DDX41: variants seen among roughly 807,000 people sequenced by gnomAD.
DDX41 encodes the protein probable ATP-dependent RNA helicase DDX41.
In DDX41, 50 loss-of-function variants were observed where a neutral mutation model predicts 78.8. The ratio of observed to expected loss-of-function variants is 0.63; its 90% confidence interval spans 0.51 to 0.80. DDX41 has a LOEUF of 0.80. Among genes scored for constraint, DDX41 ranks in the 30% least tolerant of loss-of-function variants. DDX41 has a pLI of 0.00. For missense variants in DDX41, 633 were observed against 849.2 expected (o/e 0.75, Z 3.16); for synonymous variants, 381 against 321.5 (o/e 1.19, Z -1.98).
At chr5:177,516,606 C>G (rs1379224650) in intron 2 of DDX41, 119 bp downstream of exon 2, 2 of 1,375,788 alleles carry the variant, frequency 1.5e-6, no homozygotes, top group Non-Finnish European at 2.0e-6. Flanking sequence ...GGGGCCGCGC[C>G]CTGGTGTACT....
rs144003034 is a variant in DDX41 at position 177,515,024 on chromosome 5, G to C, written c.690C>G (p.Gly230=). Residue 230 remains glycine (G), a synonymous_variant, in exon 8 of 17, where the codon GGC becomes GGG. Coordinates refer to ENST00000330503, the MANE Select transcript of DDX41 (RefSeq NM_016222.4). ...CGGGCAACGTGAACACCAGTGTCTT[G>C]CCTGAACCCGTGAAAGCGATGCCTA... ...DMIGIAFTGS[G]KTLVFTLPVI... is the part of the protein sequence containing the mutation. 21 of 1,613,712 alleles carry C rather than the reference G, an allele frequency of 1.3e-5. No homozygotes were observed. In the African/African-American group the frequency reaches 2.4e-4, roughly 18 times the overall value.
rs1430796686 is a variant in DDX41, at chr5:177,516,907, CCTCT to C, written c.27+8_27+11del. 6.2e-7 allele frequency: 1 copy of C among 1,613,338 alleles called. No individual in the cohort carries two copies. The highest frequency in any genetic ancestry group is 2.2e-5 in the East Asian group (1 of 44,880). On this transcript the variant is annotated splice_region_variant and intron_variant, in intron 1 of 16. Coordinates refer to ENST00000330503, the MANE Select transcript of DDX41 (RefSeq NM_016222.4). Reference sequence around the variant, plus strand: ...CCGCTCCCACACGCGCGGGGTCTCGCCTCTCTCCTACCTTCCGTTCGGGTTCCGA... The same window carrying C: ...CCGCTCCCACACGCGCGGGGTCTCGCCTCCTACCTTCCGTTCGGGTTCCGA...
chr5:177,512,124 G>A lies in DDX41; in HGVS notation c.1704C>T (p.Cys568=), dbSNP rs551266040. 9 of 1,613,326 alleles carry A rather than the reference G, an allele frequency of 5.6e-6. No homozygotes were observed. The highest frequency in any genetic ancestry group is 3.3e-5 in the Admixed American group (2 of 60,020). Residue 568 remains cysteine, a synonymous_variant, in exon 16 of 17, where the codon TGC becomes TGT. Transcript: ENST00000330503. ...KVPPVLQVLH[C]GDESMLDIGG... The stretch of plus-strand genomic sequence containing the variant: ...CAATGTCCAGCATGGACTCATCCCC[G>A]CAATGCAGCACCTGCAGCACGGGCG...
Position 177,513,616 on chromosome 5 carries a change from G to A in DDX41, c.1098+69C>T. ...GGGTTGGGGTGGCCAGGGGCATGGG[G>A]TCCCTGCAGTCTGATGTGGCGTGCA... On this transcript the variant is annotated intron_variant, in intron 10 of 16. Transcript: ENST00000330503. The surrounding 1 kb of genome is among the most constrained non-coding windows in gnomAD (Gnocchi z 4.6). 6.2e-7 allele frequency: 1 copy of A among 1,603,226 alleles called. No homozygotes were observed. The highest frequency in any genetic ancestry group is 1.3e-5 in the African/African-American group (1 of 74,864).
chr5:177,514,873 C>T lies in DDX41; in HGVS notation c.799-36G>A, dbSNP rs73804366. ...AGGGACAAAGGCTGGCACCAGATGG[C>T]AGCCCCAATCTCTGGCCTGCCCTCC... On this transcript the variant is annotated intron_variant, in intron 8 of 16. Coordinates refer to ENST00000330503, the MANE Select transcript of DDX41 (RefSeq NM_016222.4). This position sits in a 1 kb window ranked among gnomAD's most constrained non-coding sequence, Gnocchi z 4.2. 2,330 of 1,603,870 alleles carry T rather than the reference C, an allele frequency of 1.5e-3. 43 individuals carry two copies. In the African/African-American group the frequency reaches 0.028, roughly 19 times the overall value.
chr5:177,512,186 G>A lies in DDX41; in HGVS notation c.1642C>T (p.Leu548Phe), dbSNP rs140371153. The change falls in exon 16 of 17, where the codon CTC becomes TTC. Residue 548 changes from leucine (L) to phenylalanine (F), a missense_variant. Leu to Phe is a conservative substitution (Grantham distance 22). This residue lies in a region of DDX41 where 185 missense variants were observed against 367.4 expected (regional missense o/e 0.50). Coordinates refer to ENST00000330503, the MANE Select transcript of DDX41 (RefSeq NM_016222.4). ...KACDESVLMDLKALLLEAKQK... is the reference protein window; with the variant it reads ...KACDESVLMDFKALLLEAKQK... The stretch of plus-strand genomic sequence containing the variant: ...TTGGCTTCTAGCAGCAGCGCTTTGA[G>A]GTCCATCAGCACTGACTCATCTGGG... 6.2e-7 allele frequency: 1 copy of A among 1,613,654 alleles called. No individual in the cohort carries two copies. The highest frequency in any genetic ancestry group is 8.5e-7 in the Non-Finnish European group (1 of 1,180,026).
chr5:177,512,915 C>T, intron 12 of DDX41, 39 bp from the exon 13 acceptor site: 1 of 1,610,030 alleles, frequency 6.2e-7, no homozygotes, highest in Non-Finnish European at 8.5e-7. Context: ...GGCTAACTGC[C>T]TGGGCACCCA....
Position 177,516,937 on chromosome 5 carries a change from C to G in DDX41, c.9G>C (p.Glu3Asp), listed in dbSNP as rs994034775. 6.2e-7 allele frequency: 1 copy of G among 1,612,782 alleles called. No individual in the cohort carries two copies. The highest frequency in any genetic ancestry group is 8.5e-7 in the Non-Finnish European group (1 of 1,179,782). The change falls in exon 1 of 17, where the codon GAG becomes GAC. Residue 3 changes from glutamate (E) to aspartate (D), a missense_variant. Glu to Asp is a conservative substitution (Grantham distance 45). Around this residue, in one of 6 missense-constraint regions of DDX41, gnomAD observed 140 missense variants for 115.2 expected, o/e 1.22. Transcript: ENST00000330503. ...CTCCTACCTTCCGTTCGGGTTCCGA[C>G]TCCTCCATTCTTTGCTGCACGCATG... Reference protein sequence around the residue: MEESEPERKRART... With the variant: MEDSEPERKRART...
At position 177,514,996 on chromosome 5, in the gene DDX41, T is replaced by C. The variant is rs139112542; in HGVS notation, c.718A>G (p.Ile240Val). 2.0e-5 allele frequency: 33 copies of C among 1,613,766 alleles called. No homozygotes were observed. The East Asian group carries it at 3.1e-4, about 15-fold the overall frequency. The change falls in exon 8 of 17, where the codon ATC (isoleucine) becomes GTC (valine). Residue 240 changes from isoleucine (I) to valine (V), a missense_variant. Physicochemically the swap from Ile to Val is conservative, Grantham distance 29 (BLOSUM62 3). Around this residue, in one of 6 missense-constraint regions of DDX41, gnomAD observed 151 missense variants for 169.2 expected, o/e 0.89. Transcript: ENST00000330503. This position sits in a 1 kb window ranked among gnomAD's most constrained non-coding sequence, Gnocchi z 4.2. ...GKTLVFTLPV[I>V]MFCLEQEKRL... ...TTCTCTTGTTCCAGGCAGAACATGA[T>C]GACGGGCAACGTGAACACCAGTGTC...
Position 177,514,812 on chromosome 5 carries a change from C to A in DDX41, c.824G>T (p.Gly275Val). 1.2e-6 allele frequency: 2 copies of A among 1,612,472 alleles called. No homozygotes were observed. Among genetic ancestry groups the A allele is most frequent in the Non-Finnish European group, 1.7e-6 (2 of 1,179,578 alleles). ...PSRELARQTH[G>V]ILEYYCRLLQ... Reference sequence around the variant, plus strand: ...CAGGCGGCAGTAGTACTCCAGGATGCCATGGGTCTGCCGGGCCAGCTCCCG... The same window carrying A: ...CAGGCGGCAGTAGTACTCCAGGATGACATGGGTCTGCCGGGCCAGCTCCCG... Residue 275 changes from glycine (G) to valine (V), a missense_variant, in exon 9 of 17, where the codon GGC (glycine) becomes GTC (valine). Gly to Val is a moderately radical substitution (Grantham distance 109, BLOSUM62 -3). Around this residue, in one of 6 missense-constraint regions of DDX41, gnomAD observed 151 missense variants for 169.2 expected, o/e 0.89. Coordinates refer to ENST00000330503, the MANE Select transcript of DDX41 (RefSeq NM_016222.4). This position sits in a 1 kb window ranked among gnomAD's most constrained non-coding sequence, Gnocchi z 4.2.
In DDX41 at chr5:177,513,434, C is replaced by T; in HGVS notation, c.1149G>A (p.Gln383=). The T allele has an allele frequency of 6.2e-7, 1 of 1,614,188 alleles. No homozygotes were observed. Among genetic ancestry groups the T allele is most frequent in the Non-Finnish European group, 8.5e-7 (1 of 1,180,044 alleles). Residue 383 remains glutamine, a synonymous_variant, in exon 11 of 17, where the codon CAG becomes CAA. Coordinates refer to ENST00000330503, the MANE Select transcript of DDX41 (RefSeq NM_016222.4). The surrounding 1 kb of genome is among the most constrained non-coding windows in gnomAD (Gnocchi z 4.6). ...TTACAAGGGCACTCTTAGCAAAGTT[C>T]TGAATCTTCTTCGGCATGGTGGCAC... ...LFSATMPKKI[Q]NFAKSALVKP... is the part of the protein sequence containing the mutation.
rs1447086195 is a variant in DDX41, at chr5:177,513,196, G to A, written c.1231-114C>T. ...GACCAGAAGCCTCTGGCCGCCAAGG[G>A]CTGGTGCCCTAAAAATGGCCCTGGT... On this transcript the variant is annotated intron_variant, in intron 11 of 16. Transcript: ENST00000330503. This position sits in a 1 kb window ranked among gnomAD's most constrained non-coding sequence, Gnocchi z 4.6. 6.6e-7 allele frequency: 1 copy of A among 1,517,380 alleles called. No homozygotes were observed. Among genetic ancestry groups the A allele is most frequent in the Admixed American group, 1.9e-5 (1 of 53,094 alleles). The allele number at this position is 1,517,380 out of a possible 1,614,324, so 94.0% of individuals were successfully genotyped here. A position where few individuals can be genotyped will look rare whatever the true frequency, so the allele number is the denominator to read the frequency against.
intron 6 of DDX41, 142 bp downstream of exon 6, chr5:177,515,543 C>G: frequency 9.1e-7 from 1 of 1,096,690 alleles, no homozygotes; most frequent in Middle Eastern, 2.3e-4. Flanking sequence ...CAACAAGGAA[C>G]CTAAAGAAAC....
intron 5 of DDX41, 32 bp downstream of exon 5, chr5:177,515,897 A>C (rs763671989): frequency 6.2e-7 from 1 of 1,614,188 alleles, no homozygotes; most frequent in South Asian, 1.1e-5. Context: ...TACCATCCTA[A>C]GCAAGGGCAA....
At position 177,513,729 on chromosome 5, in the gene DDX41, T is replaced by G; in HGVS notation, c.1054A>C (p.Met352Leu). 1 of 1,613,808 alleles carries G rather than the reference T, an allele frequency of 6.2e-7. No individual in the cohort carries two copies. Among genetic ancestry groups the G allele is most frequent in the Non-Finnish European group, 8.5e-7 (1 of 1,180,012 alleles). The change falls in exon 10 of 17, where the codon ATG becomes CTG. Residue 352 changes from methionine to leucine, a missense_variant. Around this residue, in one of 6 missense-constraint regions of DDX41, gnomAD observed 151 missense variants for 169.2 expected, o/e 0.89. Coordinates refer to ENST00000330503, the MANE Select transcript of DDX41 (RefSeq NM_016222.4). The surrounding 1 kb of genome is among the most constrained non-coding windows in gnomAD (Gnocchi z 4.6). The part of the protein sequence containing the change: ...ALDEADRMID[M>L]GFEGDIRTIF... ...GTACGGATGTCACCCTCGAAGCCCATGTCGATCATGCGGTCAGCCTCGTCC... is the reference window on the plus strand; with the variant it reads ...GTACGGATGTCACCCTCGAAGCCCAGGTCGATCATGCGGTCAGCCTCGTCC...
chr5:177,514,802 C>T lies in DDX41; in HGVS notation c.834G>A (p.Glu278=). ...ELARQTHGIL[E]YYCRLLQEDS... ...CCTCCTGCAGCAGGCGGCAGTAGTA[C>T]TCCAGGATGCCATGGGTCTGCCGGG... Residue 278 remains glutamate, a synonymous_variant, in exon 9 of 17, where the codon GAG becomes GAA. Transcript: ENST00000330503. The surrounding 1 kb of genome is among the most constrained non-coding windows in gnomAD (Gnocchi z 4.2). 1.2e-6 allele frequency: 2 copies of T among 1,612,810 alleles called. No homozygotes were observed. Among genetic ancestry groups the T allele is most frequent in the South Asian group, 1.1e-5 (1 of 91,084 alleles).
At position 177,513,229 on chromosome 5, in the gene DDX41, C is replaced by A; in HGVS notation, c.1230+124G>T. ...CCTAAAAATGGCCCTGGTTAAGCGT[C>A]AGGGGCTTTGAATGAAACCCCCGGT... On this transcript the variant is annotated intron_variant, in intron 11 of 16. Coordinates refer to ENST00000330503, the MANE Select transcript of DDX41 (RefSeq NM_016222.4). This position sits in a 1 kb window ranked among gnomAD's most constrained non-coding sequence, Gnocchi z 4.6. 2 of 1,547,738 alleles carry A rather than the reference C, an allele frequency of 1.3e-6. No homozygotes were observed. The highest frequency in any genetic ancestry group is 1.8e-6 in the Non-Finnish European group (2 of 1,138,932).
Position 177,513,978 on chromosome 5 carries a change from T to A in DDX41, c.936-131A>T. The A allele has an allele frequency of 1.1e-6, 1 of 898,692 alleles. No homozygotes were observed. 55.7% of individuals were successfully genotyped at this position (898,692 alleles called of 1,614,324 possible). On this transcript the variant is annotated intron_variant, in intron 9 of 16. Coordinates refer to ENST00000330503, the MANE Select transcript of DDX41 (RefSeq NM_016222.4). This position sits in a 1 kb window ranked among gnomAD's most constrained non-coding sequence, Gnocchi z 4.6. ...TCTTTGTCTGTCCCCTTCTCATCATTCCCACCACCTGCCCTATGTATAGCA... is the reference window on the plus strand; with the variant it reads ...TCTTTGTCTGTCCCCTTCTCATCATACCCACCACCTGCCCTATGTATAGCA...
chr5:177,512,640 C>T lies in DDX41; in HGVS notation c.1405G>A (p.Glu469Lys). The change falls in exon 14 of 17, where the codon GAG becomes AAG. Residue 469 changes from glutamate to lysine, a missense_variant. By Grantham distance (56) the Glu-to-Lys change is moderately conservative. Transcript: ENST00000330503. ...AVAIHGGKDQ[E>K]ERTKAIEAFR... Reference sequence around the variant, plus strand: ...GCCTCGATGGCCTTAGTCCGTTCCTCCTGGTCTGGGGAGGGTCAGGCAGAC... The same window carrying T: ...GCCTCGATGGCCTTAGTCCGTTCCTTCTGGTCTGGGGAGGGTCAGGCAGAC... 13 of 1,614,070 alleles carry T rather than the reference C, an allele frequency of 8.1e-6. No individual in the cohort carries two copies. The highest frequency in any genetic ancestry group is 1.1e-5 in the Non-Finnish European group (13 of 1,180,016).
Sources: gnomAD v4.1 joint callset for allele counts on GRCh38, gnomAD v4.1.1 for gene constraint, gnomAD v4.1.1 regional missense constraint, Gnocchi (gnomAD v3.1) non-coding constraint, MANE v1.5 for transcripts, NCBI Gene and HGNC (gene_info 2026-07-23, HGNC 2026-07-21) for gene names.